The following GRM8 variants were observed in gnomAD, a reference collection of about 807,000 sequenced individuals.
The protein encoded by GRM8 is metabotropic glutamate receptor 8.
A neutral mutation model predicts 87.2 loss-of-function variants in GRM8; 47 were observed. The observed-to-expected ratio is 0.54, with a 90% CI of 0.43 to 0.69. The LOEUF is 0.69. GRM8 is among the 30% of genes least tolerant of loss of function. The pLI is 0.00. For missense variants in GRM8, 1,019 were observed against 1,139.2 expected (o/e 0.89, Z 1.52); for synonymous variants, 396 against 404.5 (o/e 0.98, Z 0.25).
At chr7:126,674,447 T>A (rs1029480351) in intron 7 of GRM8, among the ~76,000 whole-genome samples, 3 of 152,198 alleles carry the variant, frequency 2.0e-5, no homozygotes, top group East Asian at 3.8e-4. Context: ...AGCATCTTAA[T>A]AGCACTGGTT....
intron 2 of GRM8, among the ~76,000 whole-genome samples, chr7:127,157,525 A>G (rs1456379351): frequency 6.6e-6 from 1 of 152,198 alleles, no homozygotes; most frequent in African/African-American, 2.4e-5. Flanking sequence ...TTTTTTAAAA[A>G]ACAAATTTAT....
intron 6 of GRM8, among the ~76,000 whole-genome samples, chr7:126,858,081 A>T (rs1164325027): frequency 6.6e-6 from 1 of 152,108 alleles, no homozygotes; most frequent in Non-Finnish European, 1.5e-5. Context: ...TAATAACCCC[A>T]TTCACCCAGT....
At chr7:126,890,983 T>C (rs1262729244) in intron 6 of GRM8, among the ~76,000 whole-genome samples, 3 of 152,026 alleles carry the variant, frequency 2.0e-5, no homozygotes, top group African/African-American at 7.2e-5. Flanking sequence ...AGCTTCAGAC[T>C]CACATAACCA....
At chr7:126,913,058 A>G (rs1328746800) in intron 3 of GRM8, among the ~76,000 whole-genome samples, 3 of 152,244 alleles carry the variant, frequency 2.0e-5, no homozygotes, top group Non-Finnish European at 2.9e-5. Flanking sequence ...TTGCTCATTT[A>G]TAAGACAAAA....
intron 9 of GRM8, among the ~76,000 whole-genome samples, chr7:126,504,346 G>A (rs2150710923): frequency 6.6e-6 from 1 of 152,100 alleles, no homozygotes; most frequent in African/African-American, 2.4e-5. Context: ...TTAATTCAGT[G>A]TTTCATCTGT....
intron 7 of GRM8, among the ~76,000 whole-genome samples, chr7:126,721,653 T>C (rs76590007): frequency 0.027 from 4,175 of 152,208 alleles, 213 homozygotes; most frequent in African/African-American, 0.095. Flanking sequence ...TACTTAGACT[T>C]GACCTCTCCT....
chr7:126,811,458 T>C (rs1793286922), intron 6 of GRM8, among the ~76,000 whole-genome samples: 1 of 152,076 alleles, frequency 6.6e-6, no homozygotes, highest in Non-Finnish European at 1.5e-5. Context: ...TTGGGTAGTA[T>C]GGTCATTTTA....
chr7:126,955,857 G>C (rs980090503), intron 3 of GRM8, among the ~76,000 whole-genome samples: 2 of 152,094 alleles, frequency 1.3e-5, no homozygotes, highest in Non-Finnish European at 2.9e-5. Context: ...TGACAACTTT[G>C]TCAACTTAAT....
At chr7:126,690,695 G>T (rs778127622) in intron 7 of GRM8, among the ~76,000 whole-genome samples, 1 of 152,200 alleles carries the variant, frequency 6.6e-6, no homozygotes, top group Non-Finnish European at 1.5e-5. Flanking sequence ...CATCCAGGAA[G>T]AATGAGGTAC....
intron 2 of GRM8, among the ~76,000 whole-genome samples, chr7:127,217,841 G>A (rs776860195): frequency 2.0e-4 from 30 of 152,188 alleles, no homozygotes; most frequent in Non-Finnish European, 3.7e-4. Flanking sequence ...GTTCCACTCT[G>A]TCACTCAGTT....
At chr7:126,850,200 T>C (rs1274303029) in intron 6 of GRM8, among the ~76,000 whole-genome samples, 1 of 152,198 alleles carries the variant, frequency 6.6e-6, no homozygotes, top group Non-Finnish European at 1.5e-5. Context: ...TTGACCGCTC[T>C]AAAGCAATTG....
intron 9 of GRM8, among the ~76,000 whole-genome samples, chr7:126,467,937 T>G (rs143138312): frequency 3.3e-5 from 5 of 152,084 alleles, no homozygotes; most frequent in East Asian, 3.9e-4. Flanking sequence ...TGGAAAAATT[T>G]TTTAAATCAT....
rs545818228 is a variant in GRM8, at chr7:126,446,383, A to G, written c.2431-11T>C. ...TGTCTGGATGTACATCTGAGGGAAG[A>G]AAAAAAAAAGAATCACTGTTGGTAA... On this transcript the variant is annotated splice_polypyrimidine_tract_variant and intron_variant, in intron 9 of 10. Transcript: ENST00000339582. The G allele has an allele frequency of 2.2e-6, 3 of 1,368,086 alleles. No homozygotes were observed. The highest frequency in any genetic ancestry group is 2.4e-5 in the East Asian group (1 of 41,144). The allele number at this position is 1,368,086 out of a possible 1,614,324, so 84.7% of individuals were successfully genotyped here.
chr7:126,962,831 A>C (rs1170444781), intron 3 of GRM8, among the ~76,000 whole-genome samples: 5 of 152,224 alleles, frequency 3.3e-5, no homozygotes, highest in African/African-American at 7.2e-5. Context: ...CCTATAGGTC[A>C]GATTGTTCCC....
chr7:126,654,566 A>T (rs918820560), intron 7 of GRM8, among the ~76,000 whole-genome samples: 1 of 152,230 alleles, frequency 6.6e-6, no homozygotes, highest in East Asian at 1.9e-4. Context: ...CTTGAAAACT[A>T]TAAGTGTTTT....
At chr7:126,651,717 T>C (rs1803897237) in intron 7 of GRM8, among the ~76,000 whole-genome samples, 1 of 152,182 alleles carries the variant, frequency 6.6e-6, no homozygotes, top group South Asian at 2.1e-4. Context: ...GGAGTTACAG[T>C]GTTAGCTGGG....
At chr7:126,599,058 A>G (rs1375991440) in intron 8 of GRM8, among the ~76,000 whole-genome samples, 1 of 152,164 alleles carries the variant, frequency 6.6e-6, no homozygotes, top group African/African-American at 2.4e-5. Flanking sequence ...AGATCTGCCC[A>G]TTCAATGGCA....
chr7:126,857,170 G>C (rs1194584457), intron 6 of GRM8, among the ~76,000 whole-genome samples: 1 of 152,076 alleles, frequency 6.6e-6, no homozygotes, highest in African/African-American at 2.4e-5. Flanking sequence ...CAAATAATAG[G>C]GAAAATTCTG....
At chr7:126,472,165 T>A (rs2150561334) in intron 9 of GRM8, among the ~76,000 whole-genome samples, 1 of 152,298 alleles carries the variant, frequency 6.6e-6, no homozygotes, top group South Asian at 2.1e-4. Context: ...TTTTCCTAAT[T>A]GAATACACTG....
Sources: allele counts gnomAD v4.1 joint callset (sites outside exome capture counted in the v4.1 genomes callset), GRCh38; gene constraint gnomAD v4.1.1; transcripts MANE v1.5; gene names NCBI Gene and HGNC (gene_info 2026-07-23, HGNC 2026-07-21).